The following PCDH15 variants were observed in gnomAD, a reference collection of about 807,000 sequenced individuals.
PCDH15 encodes the protein protocadherin related 15.
Under a neutral mutation model 178.5 loss-of-function variants are expected in PCDH15, and 129 were observed. That is an observed-to-expected ratio of 0.72 (90% CI 0.63 to 0.84). The LOEUF is 0.84. Among genes scored for constraint, PCDH15 ranks in the 40% least tolerant of loss-of-function variants. The pLI, the probability that PCDH15 is intolerant of heterozygous loss-of-function variation, is 0.00. For missense variants in PCDH15, 2,230 were observed against 2,099.9 expected, an observed-to-expected ratio of 1.06 and a Z score of -1.21; for synonymous variants, 800 against 732.0, an observed-to-expected ratio of 1.09 and a Z score of -1.50.
chr10:54,977,536 C>A (rs1369045813), intron 2 of PCDH15, among the ~76,000 whole-genome samples: 1 of 152,180 alleles, frequency 6.6e-6, no homozygotes, highest in African/African-American at 2.4e-5. Flanking sequence ...CAAACCTCAG[C>A]TCCAGGAACT....
At chr10:54,166,647 C>T (rs1241327124) in intron 13 of PCDH15, among the ~76,000 whole-genome samples, 2 of 152,142 alleles carry the variant, frequency 1.3e-5, no homozygotes, top group Non-Finnish European at 2.9e-5. Context: ...TTTTATTTTA[C>T]TCAGATGACT....
In PCDH15 at chr10:54,577,883, TAA is replaced by T. The variant is rs1565647938; in HGVS notation, c.92-50008_92-50007del. 9.8e-3 allele frequency among the ~76,000 whole-genome samples: 1,374 copies of T among 140,492 alleles called. 18 individuals are homozygous for T. The highest frequency in any genetic ancestry group is 0.028 in the African/African-American group (1,103 of 38,976). 92.2% of individuals were successfully genotyped at this position (140,492 alleles called of 152,430 possible). ...ATAAATAAATAAATAAATAAATAAA[TAA>T]ATAAATAAATATTCCTCTTCCAAGA... On this transcript the variant is annotated intron_variant, in intron 2 of 37. Transcript: ENST00000644397.
chr10:54,375,873 GAAACGGAAT>G (rs1565118684), intron 4 of PCDH15, among the ~76,000 whole-genome samples: 15 of 121,806 alleles, frequency 1.2e-4, no homozygotes, highest in African/African-American at 4.3e-4. Flanking sequence ...ATATATTTTT[GAAACGGAAT>G]ATATATATAT....
At chr10:55,387,762 T>C (rs1201041569) in intron 2 of PCDH15, among the ~76,000 whole-genome samples, 1 of 152,108 alleles carries the variant, frequency 6.6e-6, no homozygotes, top group Non-Finnish European at 1.5e-5. Context: ...ACAAAACGGT[T>C]AGCAGTCATT....
chr10:53,881,569 A>G (rs957433094), intron 26 of PCDH15, among the ~76,000 whole-genome samples: 1 of 152,320 alleles, frequency 6.6e-6, no homozygotes, highest in Non-Finnish European at 1.5e-5. Flanking sequence ...TACACATAAT[A>G]AAATTTATCT....
At chr10:54,304,532 A>G (rs1186295919) in intron 8 of PCDH15, among the ~76,000 whole-genome samples, 1 of 152,060 alleles carries the variant, frequency 6.6e-6, no homozygotes, top group Non-Finnish European at 1.5e-5. Flanking sequence ...GATAGGAAAA[A>G]ACGTCCTGGC....
At chr10:55,479,548 C>T (rs1289046004) in intron 2 of PCDH15, among the ~76,000 whole-genome samples, 1 of 151,708 alleles carries the variant, frequency 6.6e-6, no homozygotes, top group Middle Eastern at 3.4e-3. Context: ...GACAAACCCA[C>T]AACTAACATT....
intron 14 of PCDH15, among the ~76,000 whole-genome samples, chr10:54,146,896 A>ATATATATATAGTGTATATATATAGTGTG (rs2043967437): frequency 8.9e-5 from 10 of 112,206 alleles, no homozygotes; most frequent in South Asian, 3.2e-4. Flanking sequence ...GTGTGTATAC[A>ATATATATATAGTGTATATATATAGTGTG]TATATATATA....
intron 1 of PCDH15, among the ~76,000 whole-genome samples, chr10:54,726,427 T>TGGGG (rs200617366): frequency 1.2e-5 from 1 of 84,850 alleles, no homozygotes; most frequent in African/African-American, 4.8e-5. Context: ...GGGGTGTGTG[T>TGGGG]GTGTGTGTGT....
intron 2 of PCDH15, among the ~76,000 whole-genome samples, chr10:55,602,342 G>C (rs568469373): frequency 7.5e-6 from 1 of 133,656 alleles, no homozygotes; most frequent in African/African-American, 2.5e-5. Context: ...GGCTTGCTTA[G>C]GTAAAAAAAG....
chr10:55,620,157 T>C (rs1042198052), intron 2 of PCDH15, among the ~76,000 whole-genome samples: 5 of 152,088 alleles, frequency 3.3e-5, no homozygotes, highest in African/African-American at 1.2e-4. Context: ...TTGTTATTCC[T>C]TAATACATGC....
intron 3 of PCDH15, among the ~76,000 whole-genome samples, chr10:54,817,841 C>T (rs922838941): frequency 6.6e-6 from 1 of 151,930 alleles, no homozygotes; most frequent in African/African-American, 2.4e-5. Flanking sequence ...ATTTTAATAG[C>T]TGTAGCTATA....
intron 2 of PCDH15, among the ~76,000 whole-genome samples, chr10:54,584,251 A>T (rs1321714112): frequency 2.6e-5 from 4 of 151,992 alleles, no homozygotes; most frequent in African/African-American, 7.2e-5. Context: ...AAAATTAGTC[A>T]TGTGTGGTAG....
At chr10:54,498,947 G>C (rs2080381061) in intron 3 of PCDH15, among the ~76,000 whole-genome samples, 1 of 152,018 alleles carries the variant, frequency 6.6e-6, no homozygotes, top group South Asian at 2.1e-4. Flanking sequence ...GAAGGGGTAA[G>C]TACTACACAC....
intron 2 of PCDH15, among the ~76,000 whole-genome samples, chr10:55,128,421 A>T (rs1314781527): frequency 6.6e-6 from 1 of 152,018 alleles, no homozygotes; most frequent in Non-Finnish European, 1.5e-5. Context: ...TGAGACCTAT[A>T]TGTACTTAAT....
chr10:54,690,855 A>G (rs1355902691), intron 1 of PCDH15, among the ~76,000 whole-genome samples: 1 of 152,090 alleles, frequency 6.6e-6, no homozygotes, highest in South Asian at 2.1e-4. Context: ...TTAGGTGCAT[A>G]AGAAGATGAC....
rs1368852728 is a variant in PCDH15, at chr10:54,853,334, T to TAA, written c.-29+44115_-29+44116insTT. 1.6e-4 allele frequency among the ~76,000 whole-genome samples: 15 copies of TAA among 94,182 alleles called. No homozygotes were observed. The Admixed American group carries it at 1.7e-3, about 11-fold the overall frequency. 61.8% of individuals were successfully genotyped at this position (94,182 alleles called of 152,430 possible). A position where few individuals can be genotyped will look rare whatever the true frequency, so the allele number is the denominator to read the frequency against. On this transcript the variant is annotated intron_variant, in intron 3 of 5. Coordinates refer to the PCDH15 transcript ENST00000458638. ...ATATATATATACATACACACACATA[T>TAA]ACATATATATACATATATATATACA...
At chr10:53,876,624 CAA>C (rs11342870) in intron 26 of PCDH15, among the ~76,000 whole-genome samples, 56 of 143,042 alleles carry the variant, frequency 3.9e-4, no homozygotes, top group Admixed American at 6.9e-4. Flanking sequence ...AAAACTTTTG[CAA>C]AAAAAAAAAA....
chr10:54,921,357 G>A (rs891621685), intron 2 of PCDH15, among the ~76,000 whole-genome samples: 19 of 151,646 alleles, frequency 1.3e-4, no homozygotes, highest in African/African-American at 4.6e-4. Context: ...AAGTTCAGGG[G>A]TACATGTGAA....
Sources: gnomAD v4.1 joint callset for allele counts (sites outside exome capture counted in the v4.1 genomes callset) on GRCh38, gnomAD v4.1.1 for gene constraint, MANE v1.5 for transcripts, NCBI Gene and HGNC (gene_info 2026-07-23, HGNC 2026-07-21) for gene names.